The following CBLN4 variants were observed in gnomAD, a reference collection of about 807,000 sequenced individuals.
CBLN4 encodes cerebellin 4 precursor, also known as cerebellin-4.
CBLN4 carries 7 observed loss-of-function variants against 14.9 expected under a neutral mutation model. The observed-to-expected ratio is 0.47, with a 90% CI of 0.27 to 0.88. The LOEUF is 0.88. Among genes scored for constraint, CBLN4 ranks in the 40% least tolerant of loss-of-function variants. CBLN4 has a pLI of 0.14. For missense variants in CBLN4, 188 were observed against 256.8 expected, an observed-to-expected ratio of 0.73 and a Z score of 1.83; for synonymous variants, 131 against 116.5, an observed-to-expected ratio of 1.12 and a Z score of -0.80.
chr20:56,000,619 C>T, intron 2 of CBLN4, 112 bp downstream of exon 2: 2 of 485,248 alleles, frequency 4.1e-6, no homozygotes, highest in East Asian at 3.2e-5. Flanking sequence ...ATAAAGATGG[C>T]TGCTTATTTC....
chr20:56,004,260 C>T lies in CBLN4; in HGVS notation c.-89G>A, dbSNP rs2145960777. ...CGGGATCCCGGTGCTCGGGAAGATG[C>T]TAGCGGCTAGGTCGACAGCGCTGCA... On this transcript the variant is annotated 5_prime_UTR_variant, in exon 1 of 3. Coordinates refer to ENST00000064571, the MANE Select transcript of CBLN4 (RefSeq NM_080617.6). The surrounding 1 kb of genome is among the most constrained non-coding windows in gnomAD (Gnocchi z 6.1). 1.5e-6 allele frequency: 2 copies of T among 1,299,074 alleles called. No homozygotes were observed. The highest frequency in any genetic ancestry group is 2.0e-6 in the Non-Finnish European group (2 of 1,005,020). The allele number at this position is 1,299,074 out of a possible 1,614,324, so 80.5% of individuals were successfully genotyped here.
In CBLN4 at chr20:56,000,855, T is replaced by A. The variant is rs1986356103; in HGVS notation, c.292-8A>T. On this transcript the variant is annotated splice_polypyrimidine_tract_variant and splice_region_variant and intron_variant, in intron 1 of 2. Transcript: ENST00000064571. ...ACCCACATTCACCAGGATCTACAAA[T>A]AAAAATAATAAATAACAATAAGTTA... The A allele has an allele frequency of 7.2e-7, 1 of 1,379,820 alleles. No homozygotes were observed. Among genetic ancestry groups the A allele is most frequent in the Non-Finnish European group, 9.9e-7 (1 of 1,007,014 alleles). 85.5% of individuals were successfully genotyped at this position (1,379,820 alleles called of 1,614,324 possible). A position where few individuals can be genotyped will look rare whatever the true frequency, so the allele number is the denominator to read the frequency against.
intron 2 of CBLN4, among the ~76,000 whole-genome samples, chr20:55,999,488 A>G (rs6014572): frequency 0.44 from 66,423 of 151,948 alleles, 19,487 homozygotes; most frequent in African/African-American, 0.84. Flanking sequence ...AATTAGCCTG[A>G]TTGGTCACAT....
At chr20:56,000,540 C>A (rs56297678) in intron 2 of CBLN4, among the ~76,000 whole-genome samples, 191 bp downstream of exon 2, 1 of 152,014 alleles carries the variant, frequency 6.6e-6, no homozygotes, top group South Asian at 2.1e-4. Context: ...TTTTTCTATA[C>A]GCTTTTTGTC....
At position 56,005,505 on chromosome 20, in the gene CBLN4, G is replaced by C. The variant is rs900361769; in HGVS notation, c.-1334C>G. ...CCTGGGGCCTGGCGAGCTCAGGGAA[G>C]CCTTGGGGCGGACCAGAGCCCGTGG... On this transcript the variant is annotated 5_prime_UTR_variant, in exon 1 of 3. Coordinates refer to ENST00000064571, the MANE Select transcript of CBLN4 (RefSeq NM_080617.6). 2 of 152,280 alleles carry C rather than the reference G, an allele frequency of 1.3e-5. No homozygotes were observed. The highest frequency in any genetic ancestry group is 2.9e-5 in the Non-Finnish European group (2 of 68,122). The allele number at this position is 152,280 out of a possible 1,614,324, so 9.4% of individuals were successfully genotyped here. A position where few individuals can be genotyped will look rare whatever the true frequency, so the allele number is the denominator to read the frequency against.
chr20:55,998,464 A>C lies in CBLN4; in HGVS notation c.*93T>G. On this transcript the variant is annotated 3_prime_UTR_variant, in exon 3 of 3. Transcript: ENST00000064571. ...CATATCCACCCATGAGAAACCAATA[A>C]AAGACATCAATCCAATGATGAAAAA... 7.1e-7 allele frequency: 1 copy of C among 1,411,508 alleles called. No individual in the cohort carries two copies. Among genetic ancestry groups the C allele is most frequent in the South Asian group, 1.3e-5 (1 of 79,210 alleles). The allele number at this position is 1,411,508 out of a possible 1,614,324, so 87.4% of individuals were successfully genotyped here.
At chr20:56,002,045 C>A (rs2145959444) in intron 1 of CBLN4, among the ~76,000 whole-genome samples, 1 of 152,316 alleles carries the variant, frequency 6.6e-6, no homozygotes, top group East Asian at 1.9e-4. Flanking sequence ...AATATTAACA[C>A]ACTTGCAAGC....
chr20:56,000,139 A>G (rs1986344891), intron 2 of CBLN4, among the ~76,000 whole-genome samples: 1 of 152,276 alleles, frequency 6.6e-6, no homozygotes, highest in South Asian at 2.1e-4. Context: ...CCATTGTCTT[A>G]GAAAGCAGAA....
Position 56,003,939 on chromosome 20 carries a change from C to T in CBLN4, c.233G>A (p.Ser78Asn). ...CATCTCGGATGGCTCGTGGTTGGTG[C>T]TCCGCACCGCCGAGAAGGCGACCTT... ...NSKVAFSAVR[S>N]TNHEPSEMSN... Residue 78 changes from serine (S) to asparagine (N), a missense_variant, in exon 1 of 3, where the codon AGC becomes AAC. Ser to Asn is a conservative substitution (Grantham distance 46). Around this residue, in one of 2 missense-constraint regions of CBLN4, gnomAD observed 93 missense variants for 157.7 expected, o/e 0.59. Transcript: ENST00000064571. 1 of 1,613,820 alleles carries T rather than the reference C, an allele frequency of 6.2e-7. No homozygotes were observed.
Position 55,998,075 on chromosome 20 carries a change from A to T in CBLN4, c.*482T>A, listed in dbSNP as rs1481051656. ...CTGAAAAAAAAAATCCAAGTTTTTT[A>T]CAAGAACCAAACAAACTAATTCCAA... On this transcript the variant is annotated 3_prime_UTR_variant, in exon 3 of 3. Transcript: ENST00000064571. The T allele has an allele frequency of 6.5e-6, 1 of 152,808 alleles. No homozygotes were observed. Among genetic ancestry groups the T allele is most frequent in the Admixed American group, 6.5e-5 (1 of 15,296 alleles). The allele number at this position is 152,808 out of a possible 1,614,324, so 9.5% of individuals were successfully genotyped here. A position where few individuals can be genotyped will look rare whatever the true frequency, so the allele number is the denominator to read the frequency against.
At position 56,000,717 on chromosome 20, in the gene CBLN4, G is replaced by A; in HGVS notation, c.408+14C>T. The A allele has an allele frequency of 2.1e-6, 3 of 1,426,336 alleles. No homozygotes were observed. The highest frequency in any genetic ancestry group is 2.9e-6 in the Non-Finnish European group (3 of 1,039,278). 88.4% of individuals were successfully genotyped at this position (1,426,336 alleles called of 1,614,324 possible). ...TTGGTTGAGAGTATGGATGGAAGAG[G>A]TCAAAACACACACCTGGATAGTTTG... On this transcript the variant is annotated intron_variant, in intron 2 of 2. Coordinates refer to ENST00000064571, the MANE Select transcript of CBLN4 (RefSeq NM_080617.6).
rs1361334310 is a variant in CBLN4 at position 55,998,320 on chromosome 20, T to C, written c.*237A>G. ...AAGTCTTGCAGACAGCTTTTGACTG[T>C]TACATTTAAGCATAGGTATTATCTG... is the stretch of plus-strand genomic sequence containing the variant. On this transcript the variant is annotated 3_prime_UTR_variant, in exon 3 of 3. Transcript: ENST00000064571. The C allele has an allele frequency of 4.1e-6, 2 of 491,102 alleles. No individual in the cohort carries two copies. The highest frequency in any genetic ancestry group is 7.2e-6 in the Non-Finnish European group (2 of 279,602). The allele number at this position is 491,102 out of a possible 1,614,324, so 30.4% of individuals were successfully genotyped here.
Position 56,004,781 on chromosome 20 carries a change from A to T in CBLN4, c.-610T>A, listed in dbSNP as rs1363300027. ...TTCGCCTGGTCAAAAAAATCCCCCA[A>T]ACCTGGTGTCACCCAGAGGTAGGGA... On this transcript the variant is annotated 5_prime_UTR_variant, in exon 1 of 3. It adds an upstream start codon to the 5' untranslated region. Coordinates refer to ENST00000064571, the MANE Select transcript of CBLN4 (RefSeq NM_080617.6). This position sits in a 1 kb window ranked among gnomAD's most constrained non-coding sequence, Gnocchi z 6.1. 1 of 152,298 alleles carries T rather than the reference A, an allele frequency of 6.6e-6. No individual in the cohort carries two copies. The highest frequency in any genetic ancestry group is 2.4e-5 in the African/African-American group (1 of 41,414). 9.4% of individuals were successfully genotyped at this position (152,298 alleles called of 1,614,324 possible).
At chr20:55,998,789 C>G in intron 2 of CBLN4, 35 bp from the exon 3 acceptor site, 2 of 1,524,926 alleles carry the variant, frequency 1.3e-6, no homozygotes, top group Non-Finnish European at 1.8e-6. Flanking sequence ...TTGAAAAGTT[C>G]TCTTTAAAGT....
rs1986310418 is a variant in CBLN4 at position 55,998,102 on chromosome 20, G to C, written c.*455C>G. 1 of 152,712 alleles carries C rather than the reference G, an allele frequency of 6.5e-6. No individual in the cohort carries two copies. The highest frequency in any genetic ancestry group is 1.5e-5 in the Non-Finnish European group (1 of 68,368). 9.5% of individuals were successfully genotyped at this position (152,712 alleles called of 1,614,324 possible). Reference sequence around the variant, plus strand: ...AAGAACCAAACAAACTAATTCCAAAGGAATAAAAACAAATATAATCAATAT... The same window carrying C: ...AAGAACCAAACAAACTAATTCCAAACGAATAAAAACAAATATAATCAATAT... On this transcript the variant is annotated 3_prime_UTR_variant, in exon 3 of 3. Coordinates refer to ENST00000064571, the MANE Select transcript of CBLN4 (RefSeq NM_080617.6).
chr20:56,001,507 A>T (rs1029225408), intron 1 of CBLN4, among the ~76,000 whole-genome samples: 2 of 148,212 alleles, frequency 1.3e-5, no homozygotes, highest in East Asian at 2.0e-4. Flanking sequence ...ATCTGTTACC[A>T]TTTTTTTTTT....
intron 2 of CBLN4, among the ~76,000 whole-genome samples, chr20:56,000,009 G>A (rs1056773309): frequency 2.0e-5 from 3 of 152,260 alleles, no homozygotes; most frequent in African/African-American, 7.2e-5. Context: ...CATAAATACT[G>A]AGCATAAGAT....
chr20:55,999,726 G>T (rs553659558), intron 2 of CBLN4, among the ~76,000 whole-genome samples: 4 of 152,272 alleles, frequency 2.6e-5, no homozygotes, highest in East Asian at 1.9e-4. Context: ...AGAGATTTCA[G>T]TGACAGATAA....
At chr20:56,001,591 G>A (rs1054177252) in intron 1 of CBLN4, among the ~76,000 whole-genome samples, 2 of 152,118 alleles carry the variant, frequency 1.3e-5, no homozygotes, top group Non-Finnish European at 2.9e-5. Flanking sequence ...CCAAAGAGGA[G>A]AGCATAGAGA....
Sources: allele counts gnomAD v4.1 joint callset (sites outside exome capture counted in the v4.1 genomes callset), GRCh38; gene constraint gnomAD v4.1.1; regional missense constraint gnomAD v4.1.1; non-coding constraint Gnocchi (gnomAD v3.1); transcripts MANE v1.5; gene names NCBI Gene and HGNC (gene_info 2026-07-23, HGNC 2026-07-21).